RHEX: variants seen among roughly 807,000 people sequenced by gnomAD.
The protein encoded by RHEX is regulator of hemoglobinization and erythroid cell expansion.
In RHEX, 18 loss-of-function variants were observed where a neutral mutation model predicts 20.1. The observed-to-expected ratio is 0.90, with a 90% CI of 0.62 to 1.33. The LOEUF is 1.33. RHEX is among the 40% of genes most tolerant of loss of function. The pLI is 0.00. For synonymous variants in RHEX, 87 were observed against 77.1 expected (o/e 1.13, Z -0.67); for missense variants, 192 against 214.3 (o/e 0.90, Z 0.65).
At chr1:206,081,572 C>T (rs149759251) in intron 1 of RHEX, among the ~76,000 whole-genome samples, 55 of 152,286 alleles carry the variant, frequency 3.6e-4, no homozygotes, top group Non-Finnish European at 6.3e-4. Flanking sequence ...ATTGCTGCAA[C>T]GCAGTCCTAG....
chr1:206,079,177 T>C (rs1662692200), intron 1 of RHEX, among the ~76,000 whole-genome samples: 1 of 152,184 alleles, frequency 6.6e-6, no homozygotes, highest in Admixed American at 6.5e-5. Context: ...TGAAAAATAG[T>C]AAAATATTTT....
At chr1:206,056,808 A>C (rs1213415338) in intron 1 of RHEX, among the ~76,000 whole-genome samples, 4 of 152,256 alleles carry the variant, frequency 2.6e-5, no homozygotes, top group Admixed American at 2.0e-4. Flanking sequence ...AAAAAGTTAC[A>C]CAGTAAAAAA....
intron 1 of RHEX, among the ~76,000 whole-genome samples, chr1:206,089,732 GTT>G (rs35286804): frequency 5.5e-5 from 8 of 145,398 alleles, no homozygotes; most frequent in African/African-American, 1.7e-4. Flanking sequence ...ACTAGTTTCA[GTT>G]TTTTTTTTTC....
At chr1:206,053,818 C>A (rs1461589593) in intron 1 of RHEX, among the ~76,000 whole-genome samples, 2 of 152,214 alleles carry the variant, frequency 1.3e-5, no homozygotes, top group African/African-American at 2.4e-5. Flanking sequence ...TGCTTTTATA[C>A]CCCCTTGCCC....
intron 1 of RHEX, among the ~76,000 whole-genome samples, chr1:206,078,271 G>A (rs1207777543): frequency 1.3e-5 from 2 of 152,170 alleles, no homozygotes; most frequent in Admixed American, 6.5e-5. Flanking sequence ...TGGGTGCGGT[G>A]GCTCATGTCT....
At chr1:206,077,667 G>A (rs1025125182) in intron 1 of RHEX, among the ~76,000 whole-genome samples, 1 of 152,194 alleles carries the variant, frequency 6.6e-6, no homozygotes, top group Non-Finnish European at 1.5e-5. Flanking sequence ...AGCCACACAA[G>A]GCAGGAAGAT....
Position 206,102,020 on chromosome 1 carries a change from A to AT in RHEX, c.*73dup. On this transcript the variant is annotated 3_prime_UTR_variant, in exon 6 of 6. Coordinates refer to ENST00000331555, the MANE Select transcript of RHEX (RefSeq NM_001007544.4). The stretch of plus-strand genomic sequence containing the variant: ...TACATTTAATTTGTAGGGAAATGCC[A>AT]TTTTTCCCCCTTAAACAAGGCATGG... 1.5e-6 allele frequency: 2 copies of AT among 1,299,124 alleles called. No individual in the cohort carries two copies. Among genetic ancestry groups the AT allele is most frequent in the South Asian group, 1.2e-5 (1 of 83,328 alleles). 80.5% of individuals were successfully genotyped at this position (1,299,124 alleles called of 1,614,324 possible).
chr1:206,090,005 T>G (rs1373741292), intron 1 of RHEX, among the ~76,000 whole-genome samples: 1 of 152,166 alleles, frequency 6.6e-6, no homozygotes, highest in East Asian at 1.9e-4. Flanking sequence ...CTAATTTATT[T>G]TCTTTTCCCT....
At chr1:206,092,396 T>C (rs1272114065) in intron 1 of RHEX, among the ~76,000 whole-genome samples, 1 of 152,198 alleles carries the variant, frequency 6.6e-6, no homozygotes, top group Non-Finnish European at 1.5e-5. Context: ...CCATCTTACA[T>C]ATTAAAAGAC....
chr1:206,086,474 C>A (rs146962742), intron 1 of RHEX, among the ~76,000 whole-genome samples: 81 of 152,208 alleles, frequency 5.3e-4, no homozygotes, highest in African/African-American at 2.0e-3. Context: ...TGAGCCACCA[C>A]GCCCGGCCAG....
chr1:206,097,668 A>G, intron 1 of RHEX, 65 bp from the exon 2 acceptor site: 1 of 970,806 alleles, frequency 1.0e-6, no homozygotes, highest in Non-Finnish European at 1.6e-6. Flanking sequence ...CAAGTAGCTG[A>G]GTTTGCCCAA....
chr1:206,095,110 A>G (rs1228805017), intron 1 of RHEX, among the ~76,000 whole-genome samples: 1 of 152,130 alleles, frequency 6.6e-6, no homozygotes, highest in East Asian at 1.9e-4. Flanking sequence ...TCTGGCTCCA[A>G]ATGTCAGATA....
chr1:206,084,755 C>T (rs906775920), intron 1 of RHEX, among the ~76,000 whole-genome samples: 1 of 152,102 alleles, frequency 6.6e-6, no homozygotes, highest in South Asian at 2.1e-4. Flanking sequence ...AATCTGGGGT[C>T]CCTTACTCAA....
chr1:206,071,091 G>A (rs1276905577), intron 1 of RHEX, among the ~76,000 whole-genome samples: 4 of 152,230 alleles, frequency 2.6e-5, no homozygotes, highest in South Asian at 2.1e-4. Context: ...GAAGCCAGCC[G>A]GAGTCCCAAA....
At chr1:206,061,625 C>T (rs549783676) in intron 1 of RHEX, 1 of 152,436 alleles carries the variant, frequency 6.6e-6, no homozygotes, top group African/African-American at 2.4e-5. Context: ...CCCTGGTGCC[C>T]AGCCATCTGC....
intron 1 of RHEX, among the ~76,000 whole-genome samples, chr1:206,076,227 T>G (rs1349820962): frequency 3.3e-5 from 5 of 151,862 alleles, no homozygotes; most frequent in Non-Finnish European, 7.4e-5. Flanking sequence ...TGGTCACAGC[T>G]CACTGCAGCC....
chr1:206,083,996 C>T (rs529110160), intron 1 of RHEX, among the ~76,000 whole-genome samples: 1 of 152,332 alleles, frequency 6.6e-6, no homozygotes, highest in South Asian at 2.1e-4. Context: ...GGGCATAAAA[C>T]ACCCACCTTA....
intron 1 of RHEX, among the ~76,000 whole-genome samples, chr1:206,068,996 A>T (rs1553284423): frequency 1.3e-5 from 2 of 152,190 alleles, no homozygotes; most frequent in African/African-American, 4.8e-5. Flanking sequence ...CTAGACTTTT[A>T]TGTGGCAAAT....
chr1:206,053,583 A>T (rs1662114681), intron 1 of RHEX, among the ~76,000 whole-genome samples: 1 of 152,188 alleles, frequency 6.6e-6, no homozygotes, highest in Non-Finnish European at 1.5e-5. Flanking sequence ...CCACCCCACT[A>T]GGAACTATGT....
Sources: allele counts gnomAD v4.1 joint callset (sites outside exome capture counted in the v4.1 genomes callset), GRCh38; gene constraint gnomAD v4.1.1; transcripts MANE v1.5; gene names NCBI Gene and HGNC (gene_info 2026-07-23, HGNC 2026-07-21).